Variants in KDM1A observed in about 807,000 individuals in gnomAD.
The protein encoded by KDM1A is lysine-specific histone demethylase 1A.
KDM1A carries 49 observed loss-of-function variants against 109.4 expected under a neutral mutation model. That is an observed-to-expected ratio of 0.45 (90% CI 0.36 to 0.57). The LOEUF is 0.57. Ranked by LOEUF, KDM1A falls within the 20% of genes least tolerant of loss-of-function variation. KDM1A has a pLI of 0.00. For synonymous variants in KDM1A, 380 were observed against 415.4 expected (o/e 0.91, Z 1.04); for missense variants, 668 against 1,116.6 (o/e 0.60, Z 5.73).
At chr1:23,030,166 A>C (rs1175494436) in intron 1 of KDM1A, among the ~76,000 whole-genome samples, 1 of 152,216 alleles carries the variant, frequency 6.6e-6, no homozygotes, top group African/African-American at 2.4e-5. Context: ...CCAGTATGTG[A>C]GCATGATACA....
intron 9 of KDM1A, among the ~76,000 whole-genome samples, chr1:23,062,915 G>A (rs1183654248): frequency 2.0e-5 from 3 of 152,150 alleles, no homozygotes; most frequent in Admixed American, 6.6e-5. Context: ...TCAGTTGATT[G>A]GTGATGGAGT....
At chr1:23,045,417 A>G (rs940964925) in intron 3 of KDM1A, among the ~76,000 whole-genome samples, 7 of 152,250 alleles carry the variant, frequency 4.6e-5, no homozygotes, top group African/African-American at 1.4e-4. Flanking sequence ...AATTAGTAAT[A>G]AGGGGATCCA....
rs747668623 is a variant in KDM1A, at chr1:23,066,066, G to C, written c.1174G>C (p.Val392Leu). Reference sequence around the variant, plus strand: ...CTGCTGCACTGGTTAAAAGGACACTGTCAAGGTATTTTTTTCATAATTTTT... The same window carrying C: ...CTGCTGCACTGGTTAAAAGGACACTCTCAAGGTATTTTTTTCATAATTTTT... ...LYEANGQADT[V>L]KVPKEKDEMV... The change falls in exon 10 of 21, where the codon GTC becomes CTC. Residue 392 changes from valine to leucine, a missense_variant. Physicochemically the swap from Val to Leu is conservative, Grantham distance 32. Coordinates refer to ENST00000400181, the MANE Select transcript of KDM1A (RefSeq NM_001009999.3). The C allele has an allele frequency of 6.3e-7, 1 of 1,596,156 alleles. No individual in the cohort carries two copies. Among genetic ancestry groups the C allele is most frequent in the Non-Finnish European group, 8.6e-7 (1 of 1,164,626 alleles).
chr1:23,041,359 A>G (rs1296901353), intron 2 of KDM1A, among the ~76,000 whole-genome samples: 2 of 139,390 alleles, frequency 1.4e-5, no homozygotes, highest in Non-Finnish European at 3.1e-5. Flanking sequence ...GTTTTCCATC[A>G]TTTCTTATGT....
At chr1:23,028,358 C>CT (rs1641875083) in intron 1 of KDM1A, among the ~76,000 whole-genome samples, 1 of 152,184 alleles carries the variant, frequency 6.6e-6, no homozygotes, top group South Asian at 2.1e-4. Flanking sequence ...TGAATTATGA[C>CT]TTTCCTAGAG....
intron 1 of KDM1A, among the ~76,000 whole-genome samples, chr1:23,021,430 G>A (rs2124325455): frequency 6.6e-6 from 1 of 152,328 alleles, no homozygotes; most frequent in African/African-American, 2.4e-5. Context: ...GGGAGGCCAA[G>A]GCGGGTGGAT....
rs569359860 is a variant in KDM1A, at chr1:23,020,116, G to A, written c.351+169G>A. 210 of 723,606 alleles carry A rather than the reference G, an allele frequency of 2.9e-4. No homozygotes were observed. The South Asian group carries it at 6.6e-3, about 23-fold the overall frequency. The allele number at this position is 723,606 out of a possible 1,614,324, so 44.8% of individuals were successfully genotyped here. On this transcript the variant is annotated intron_variant, in intron 1 of 20. Transcript: ENST00000400181. ...CTAGCTGGACGGGTGGGGTGAGAAA[G>A]GAAAAGTCTTTGCCGGTGTTGACTG...
chr1:23,083,180 C>T lies in KDM1A; in HGVS notation c.2447C>T (p.Pro816Leu), dbSNP rs61758869. The T allele has an allele frequency of 6.2e-6, 10 of 1,604,378 alleles. No individual in the cohort carries two copies. In the South Asian group the frequency reaches 6.6e-5, roughly 11 times the overall value. Residue 816 changes from proline to leucine, a missense_variant and splice_region_variant, in exon 21 of 21, where the codon CCG becomes CTG. This residue lies in a region of KDM1A where 69 missense variants were observed against 99.6 expected (regional missense o/e 0.69). Transcript: ENST00000400181. The part of the protein sequence containing the change: ...PGPSIPGAPQ[P>L]IPRLFFAGEH... ...TTTTCTCTTTTTCCCCTAAAATAGC[C>T]GATTCCACGACTCTTCTTTGCGGGA...
intron 16 of KDM1A, 69 bp downstream of exon 16, chr1:23,077,429 G>T: frequency 6.7e-7 from 1 of 1,489,550 alleles, no homozygotes; most frequent in South Asian, 1.3e-5. Context: ...TGTTAGGTGC[G>T]ACCTATCAGG....
At chr1:23,025,582 G>A (rs934939683) in intron 1 of KDM1A, among the ~76,000 whole-genome samples, 5 of 151,908 alleles carry the variant, frequency 3.3e-5, no homozygotes, top group South Asian at 2.1e-4. Flanking sequence ...CACCCACCTC[G>A]GCCTCCCAAA....
rs746135363 is a variant in KDM1A, at chr1:23,019,704, G to A, written c.108G>A (p.Glu36=). 7 of 1,332,720 alleles carry A rather than the reference G, an allele frequency of 5.3e-6. No homozygotes were observed. The South Asian group carries it at 1.4e-4, about 27-fold the overall frequency. The allele number at this position is 1,332,720 out of a possible 1,614,324, so 82.6% of individuals were successfully genotyped here. The change falls in exon 1 of 21, where the codon GAG becomes GAA. Residue 36 remains glutamate (E), a synonymous_variant. Transcript: ENST00000400181. ...GTAGGSENGS[E]VAAQPAGLSG... Reference sequence around the variant, plus strand: ...CAGGCGGCTCCGAGAACGGGTCTGAGGTGGCCGCGCAGCCCGCGGGCCTGT... The same window carrying A: ...CAGGCGGCTCCGAGAACGGGTCTGAAGTGGCCGCGCAGCCCGCGGGCCTGT...
intron 9 of KDM1A, chr1:23,059,404 A>G (rs1430967200): frequency 1.8e-6 from 1 of 562,028 alleles, no homozygotes; most frequent in African/African-American, 1.9e-5. Flanking sequence ...ATCTTTAGAT[A>G]TTTAATGAAG....
intron 9 of KDM1A, among the ~76,000 whole-genome samples, chr1:23,063,231 G>GGGGTGT: frequency 3.4e-5 from 1 of 29,542 alleles, no homozygotes; most frequent in East Asian, 1.1e-3. Flanking sequence ...GGTGTGTGTG[G>GGGGTGT]GTGTGTGTGT....
At chr1:23,036,591 T>A (rs374043695) in intron 2 of KDM1A, among the ~76,000 whole-genome samples, 1 of 152,024 alleles carries the variant, frequency 6.6e-6, no homozygotes, top group South Asian at 2.1e-4. Context: ...AGAATTCTTA[T>A]GTTCTTATAT....
chr1:23,043,052 CA>C (rs1360983082), intron 2 of KDM1A, among the ~76,000 whole-genome samples: 1 of 152,186 alleles, frequency 6.6e-6, no homozygotes, highest in Non-Finnish European at 1.5e-5. Flanking sequence ...CCCGGCTCTA[CA>C]AAATATTTTT....
intron 2 of KDM1A, among the ~76,000 whole-genome samples, chr1:23,037,738 A>G (rs1191508043): frequency 6.6e-6 from 1 of 152,204 alleles, no homozygotes; most frequent in Admixed American, 6.5e-5. Flanking sequence ...CTTGATTTTT[A>G]ACTATTTACT....
intron 7 of KDM1A, among the ~76,000 whole-genome samples, chr1:23,056,336 T>G (rs962746569): frequency 6.6e-6 from 1 of 152,114 alleles, no homozygotes; most frequent in African/African-American, 2.4e-5. Flanking sequence ...TATCCTTTGT[T>G]AGGAGGCAGT....
chr1:23,036,078 T>C (rs1373852475), intron 2 of KDM1A, among the ~76,000 whole-genome samples: 1 of 151,994 alleles, frequency 6.6e-6, no homozygotes. Context: ...TGAACCACTT[T>C]GTTTTTTTTT....
Position 23,019,533 on chromosome 1 carries a change from T to G in KDM1A, c.-64T>G. On this transcript the variant is annotated 5_prime_UTR_variant, in exon 1 of 21. Transcript: ENST00000400181. ...GCGTGAAGCGAGGCGAGGCAAGGCT[T>G]TTCGGACCCACGGAGCGACAGAGCG... is the stretch of plus-strand genomic sequence containing the variant. The G allele has an allele frequency of 6.7e-6, 9 of 1,334,464 alleles. No individual in the cohort carries two copies. Among genetic ancestry groups the G allele is most frequent in the Non-Finnish European group, 8.6e-6 (9 of 1,043,428 alleles). The allele number at this position is 1,334,464 out of a possible 1,614,324, so 82.7% of individuals were successfully genotyped here. A position where few individuals can be genotyped will look rare whatever the true frequency, so the allele number is the denominator to read the frequency against.
Sources: allele counts gnomAD v4.1 joint callset (sites outside exome capture counted in the v4.1 genomes callset), GRCh38; gene constraint gnomAD v4.1.1; regional missense constraint gnomAD v4.1.1; transcripts MANE v1.5; gene names NCBI Gene and HGNC (gene_info 2026-07-23, HGNC 2026-07-21).